The following SLC26A9 variants were observed in gnomAD, a reference collection of about 807,000 sequenced individuals.
SLC26A9 encodes the protein anion transporter/exchanger protein 9.
A neutral mutation model predicts 87.1 loss-of-function variants in SLC26A9; 46 were observed. The observed-to-expected ratio is 0.53, with a 90% CI of 0.42 to 0.67. The LOEUF (loss-of-function observed/expected upper bound fraction) is 0.67, where lower values mean the gene tolerates loss of function less well. SLC26A9 is among the 30% of genes least tolerant of loss of function. SLC26A9 has a pLI of 0.00. For synonymous variants in SLC26A9, 437 were observed against 409.1 expected, an observed-to-expected ratio of 1.07 and a Z score of -0.82; for missense variants, 927 against 1,018.3, an observed-to-expected ratio of 0.91 and a Z score of 1.22.
intron 2 of SLC26A9, among the ~76,000 whole-genome samples, chr1:205,934,574 C>G (rs1659433879): frequency 6.6e-6 from 1 of 152,218 alleles, no homozygotes; most frequent in South Asian, 2.1e-4. Context: ...TTCATTCATT[C>G]ATTCATTCAT....
Position 205,923,094 on chromosome 1 carries a change from G to T in SLC26A9, c.1761C>A (p.Phe587Leu). 6.2e-7 allele frequency: 1 copy of T among 1,614,000 alleles called. No individual in the cohort carries two copies. Among genetic ancestry groups the T allele is most frequent in the Non-Finnish European group, 8.5e-7 (1 of 1,179,946 alleles). ...GGCCTTCATTCACCTTGGTTTTCAT[G>T]AATAGAGACCTCCTCTGTTGTGTGG... ...MRPTQQRRSL[F>L]MKTKTVSLQE... Residue 587 changes from phenylalanine (F) to leucine (L), a missense_variant, in exon 16 of 21, where the codon TTC (phenylalanine) becomes TTA (leucine). Coordinates refer to ENST00000367135, the MANE Select transcript of SLC26A9 (RefSeq NM_052934.4).
Position 205,915,326 on chromosome 1 carries a change from T to A in SLC26A9, c.*31A>T. The A allele has an allele frequency of 6.2e-7, 1 of 1,613,948 alleles. No homozygotes were observed. ...TATGGAAGTCCCAAGTGCCAGGCACTCTGTAGGCAGCATGAGGACTGGCTG... is the reference window on the plus strand; with the variant it reads ...TATGGAAGTCCCAAGTGCCAGGCACACTGTAGGCAGCATGAGGACTGGCTG... On this transcript the variant is annotated 3_prime_UTR_variant, in exon 21 of 21. Coordinates refer to ENST00000367135, the MANE Select transcript of SLC26A9 (RefSeq NM_052934.4).
At chr1:205,942,981 A>G (rs55830556) in intron 1 of SLC26A9, among the ~76,000 whole-genome samples, 114 of 152,330 alleles carry the variant, frequency 7.5e-4, no homozygotes, top group Non-Finnish European at 1.2e-3. Context: ...TTTTCCCTCC[A>G]AGACTTGAAA....
At chr1:205,927,126 G>A in intron 11 of SLC26A9, 85 bp downstream of exon 11, 1 of 1,382,722 alleles carries the variant, frequency 7.2e-7, no homozygotes, top group Middle Eastern at 1.9e-4. Context: ...GTGGCACTTT[G>A]TGGTCCGTAA....
chr1:205,920,073 G>A (rs1328260280), intron 18 of SLC26A9, 103 bp downstream of exon 18: 2 of 1,297,542 alleles, frequency 1.5e-6, no homozygotes, highest in Admixed American at 1.7e-5. Context: ...GGATAGCTGG[G>A]TGCTCTCGTT....
rs2102574254 is a variant in SLC26A9, at chr1:205,920,215, C to T, written c.2071G>A (p.Gly691Arg). The change falls in exon 18 of 21, where the codon GGG (glycine) becomes AGG (arginine). Residue 691 changes from glycine to arginine, a missense_variant. By Grantham distance (125) the Gly-to-Arg change is moderately radical. Coordinates refer to ENST00000367135, the MANE Select transcript of SLC26A9 (RefSeq NM_052934.4). ...AAGAAGACCTTCACGCCGATCTTCC[C>T]ATAGGTGGAGCTCAGCTAGAAGTGT... Reference protein sequence around the residue: ...KALAKLSSTYGKIGVKVFLVN... With the variant: ...KALAKLSSTYRKIGVKVFLVN... 1.2e-6 allele frequency: 2 copies of T among 1,614,030 alleles called. No homozygotes were observed. Among genetic ancestry groups the T allele is most frequent in the Non-Finnish European group, 1.7e-6 (2 of 1,179,910 alleles).
chr1:205,917,086 T>G (rs1469908469), intron 20 of SLC26A9, among the ~76,000 whole-genome samples, 197 bp downstream of exon 20: 1 of 146,062 alleles, frequency 6.8e-6, no homozygotes, highest in Non-Finnish European at 1.5e-5. Context: ...GAGTGAGACT[T>G]TGTCTCAAAT....
At chr1:205,941,035 G>A (rs1402578482) in intron 1 of SLC26A9, among the ~76,000 whole-genome samples, 1 of 152,188 alleles carries the variant, frequency 6.6e-6, no homozygotes, top group Non-Finnish European at 1.5e-5. Context: ...CAGCCTCTGA[G>A]TGACCCAGGT....
intron 18 of SLC26A9, among the ~76,000 whole-genome samples, chr1:205,919,635 G>C (rs117401400): frequency 6.6e-6 from 1 of 152,116 alleles, no homozygotes; most frequent in African/African-American, 2.4e-5. Context: ...TGCACTTTGC[G>C]TACATGCTAG....
At chr1:205,932,198 C>A (rs1336633430) in intron 4 of SLC26A9, among the ~76,000 whole-genome samples, 163 bp from the exon 5 acceptor site, 1 of 152,246 alleles carries the variant, frequency 6.6e-6, no homozygotes, top group Admixed American at 6.5e-5. Context: ...TAACCATGAT[C>A]TATGCTTTTC....
chr1:205,939,393 G>A (rs1417812611), intron 1 of SLC26A9, among the ~76,000 whole-genome samples: 2 of 152,104 alleles, frequency 1.3e-5, no homozygotes, highest in Non-Finnish European at 2.9e-5. Context: ...AGGACCTCTG[G>A]GTTCTGTTAC....
In SLC26A9 at chr1:205,914,844, G is replaced by T; in HGVS notation, c.*513C>A. 1 of 1,569,886 alleles carries T rather than the reference G, an allele frequency of 6.4e-7. No homozygotes were observed. The highest frequency in any genetic ancestry group is 8.7e-7 in the Non-Finnish European group (1 of 1,155,214). On this transcript the variant is annotated 3_prime_UTR_variant, in exon 21 of 21. Transcript: ENST00000367135. ...TGGGTGCAGAGCTGCCAGAGACAGAGTTGAGGCAGCTGGGGAAGGCAAGCC... is the reference window on the plus strand; with the variant it reads ...TGGGTGCAGAGCTGCCAGAGACAGATTTGAGGCAGCTGGGGAAGGCAAGCC...
intron 2 of SLC26A9, among the ~76,000 whole-genome samples, chr1:205,934,536 AG>A (rs1370554760): frequency 6.6e-6 from 1 of 152,252 alleles, no homozygotes; most frequent in Non-Finnish European, 1.5e-5. Flanking sequence ...CTGGAAACAG[AG>A]GCTGAGAGGG....
Position 205,929,920 on chromosome 1 carries a change from G to A in SLC26A9, c.689C>T (p.Ser230Phe). 3 of 1,610,612 alleles carry A rather than the reference G, an allele frequency of 1.9e-6. 1 individual carries two copies. In the South Asian group the frequency reaches 3.3e-5, roughly 18 times the overall value. The change falls in exon 6 of 21, where the codon TCC becomes TTC. Residue 230 changes from serine to phenylalanine, a missense_variant. Coordinates refer to ENST00000367135, the MANE Select transcript of SLC26A9 (RefSeq NM_052934.4). ...GACGATGGACCCTGGGCCTGTGTAG[G>A]AGGGGATGGTCAGTCCGAAGATGTA... ...LKYIFGLTIP[S>F]YTGPGSIVFT... is the part of the protein sequence containing the mutation.
chr1:205,929,988 G>GAAGCCCCGGATGAAGGACTCGGA lies in SLC26A9; in HGVS notation c.598_620dup (p.Met208ProfsTer9). On this transcript the variant is annotated frameshift_variant, in exon 6 of 21. Transcript: ENST00000367135. LOFTEE classifies it high-confidence loss of function. ...GGATCTGCAGGCCGGCGGCCGTCAT[G>GAAGCCCCGGATGAAGGACTCGGA]AAGCCCCGGATGAAGGACTCGGAGA... 1 of 1,613,990 alleles carries GAAGCCCCGGATGAAGGACTCGGA rather than the reference G, an allele frequency of 6.2e-7. No individual in the cohort carries two copies. The highest frequency in any genetic ancestry group is 8.5e-7 in the Non-Finnish European group (1 of 1,179,840).
At position 205,923,413 on chromosome 1, in the gene SLC26A9, C is replaced by T; in HGVS notation, c.1581G>A (p.Gln527=). 1.9e-6 allele frequency: 3 copies of T among 1,614,194 alleles called. No individual in the cohort carries two copies. Among genetic ancestry groups the T allele is most frequent in the Non-Finnish European group, 2.5e-6 (3 of 1,180,032 alleles). ...AGCAGTACGTGATGATTTTAATCCC[C>T]TGGATATCCTGGGCCTGTGACAGGG... is the stretch of plus-strand genomic sequence containing the variant. The part of the protein sequence containing the change: ...PKTYNRAQDI[Q]GIKIITYCSP... The change falls in exon 15 of 21, where the codon CAG becomes CAA. Residue 527 remains glutamine (Q), a synonymous_variant. Transcript: ENST00000367135.
chr1:205,921,920 G>C (rs2102577190), intron 16 of SLC26A9, 73 bp from the exon 17 acceptor site: 1 of 1,517,506 alleles, frequency 6.6e-7, no homozygotes, highest in East Asian at 2.4e-5. Context: ...ACTGAAGCAG[G>C]GGCATGGAGG....
chr1:205,935,712 G>A lies in SLC26A9; in HGVS notation c.109C>T (p.Leu37Phe). 6.2e-7 allele frequency: 1 copy of A among 1,614,050 alleles called. No individual in the cohort carries two copies. The highest frequency in any genetic ancestry group is 1.1e-5 in the South Asian group (1 of 91,078). Residue 37 changes from leucine to phenylalanine, a missense_variant, in exon 2 of 21, where the codon CTT (leucine) becomes TTT (phenylalanine). By Grantham distance (22) the Leu-to-Phe change is conservative (BLOSUM62 0). Coordinates refer to ENST00000367135, the MANE Select transcript of SLC26A9 (RefSeq NM_052934.4). ...KDRTYPVGEK[L>F]RNAFRCSSAK... is the part of the protein sequence containing the mutation. ...ACCAGTTACCTGAAGGCATTGCGAA[G>A]TTTCTCTCCCACTGGGTATGTCCGG...
Position 205,921,625 on chromosome 1 carries a change from T to C in SLC26A9, c.1996A>G (p.Ile666Val). 6.2e-7 allele frequency: 1 copy of C among 1,611,552 alleles called. No homozygotes were observed. Among genetic ancestry groups the C allele is most frequent in the Non-Finnish European group, 8.5e-7 (1 of 1,179,160 alleles). ...VPPFVTFHTL[I>V]LDMSGVSFVD... ...AAGCTGACTCCACTCATGTCCAGGATGAGGGTGTGGAAGGTGACGAAGGGT... is the reference window on the plus strand; with the variant it reads ...AAGCTGACTCCACTCATGTCCAGGACGAGGGTGTGGAAGGTGACGAAGGGT... The change falls in exon 17 of 21, where the codon ATC (isoleucine) becomes GTC (valine). Residue 666 changes from isoleucine (I) to valine (V), a missense_variant. By Grantham distance (29) the Ile-to-Val change is conservative (BLOSUM62 3). Coordinates refer to ENST00000367135, the MANE Select transcript of SLC26A9 (RefSeq NM_052934.4).
Sources: gnomAD v4.1 joint callset for allele counts (sites outside exome capture counted in the v4.1 genomes callset) on GRCh38, gnomAD v4.1.1 for gene constraint, MANE v1.5 for transcripts, NCBI Gene and HGNC (gene_info 2026-07-23, HGNC 2026-07-21) for gene names.